Variants in ADGRL3 observed in about 807,000 individuals in gnomAD.
ADGRL3 encodes the protein calcium-independent alpha-latrotoxin receptor 3.
ADGRL3 carries 62 observed loss-of-function variants against 153.5 expected under a neutral mutation model. The ratio of observed to expected loss-of-function variants is 0.40; its 90% CI spans 0.33 to 0.50. The LOEUF is 0.50. ADGRL3 is among the 20% of genes least tolerant of loss of function. ADGRL3 has a pLI of 0.47. For synonymous variants in ADGRL3, 710 were observed against 672.5 expected, an observed-to-expected ratio of 1.06 and a Z score of -0.86; for missense variants, 1,641 against 1,859.4, an observed-to-expected ratio of 0.88 and a Z score of 2.16.
At chr4:61,291,325 A>C (rs2150156333) in intron 1 of ADGRL3, among the ~76,000 whole-genome samples, 1 of 152,038 alleles carries the variant, frequency 6.6e-6, no homozygotes, top group South Asian at 2.1e-4. Context: ...GTACAATGAT[A>C]AAAATAATAC....
At chr4:61,370,067 G>T (rs981726712) in intron 1 of ADGRL3, among the ~76,000 whole-genome samples, 1 of 152,070 alleles carries the variant, frequency 6.6e-6, no homozygotes, top group Non-Finnish European at 1.5e-5. Flanking sequence ...TGTGGGATCG[G>T]TGGTGATATC....
intron 1 of ADGRL3, among the ~76,000 whole-genome samples, chr4:61,255,149 ACAGT>A (rs2091837757): frequency 6.6e-6 from 1 of 152,190 alleles, no homozygotes; most frequent in South Asian, 2.1e-4. Flanking sequence ...TTTGTTGCTG[ACAGT>A]CAGGGTTGGT....
At chr4:61,352,692 A>C (rs2096074268) in intron 1 of ADGRL3, among the ~76,000 whole-genome samples, 1 of 152,032 alleles carries the variant, frequency 6.6e-6, no homozygotes, top group African/African-American at 2.4e-5. Context: ...GCCAAAACAT[A>C]ACTTTTATAT....
At chr4:61,564,842 G>T (rs2098810077) in intron 4 of ADGRL3, among the ~76,000 whole-genome samples, 1 of 152,150 alleles carries the variant, frequency 6.6e-6, no homozygotes, top group Non-Finnish European at 1.5e-5. Context: ...GGAATAGGGA[G>T]GCCCAAAGAG....
intron 1 of ADGRL3, 104 bp from the exon 2 acceptor site, chr4:61,383,020 G>C (rs2096689425): frequency 6.6e-6 from 1 of 151,588 alleles, no homozygotes; most frequent in Admixed American, 6.6e-5. Context: ...TAATAGACTT[G>C]ACAACCAACA....
At chr4:61,494,350 C>T (rs1002442591) in intron 2 of ADGRL3, among the ~76,000 whole-genome samples, 2 of 152,018 alleles carry the variant, frequency 1.3e-5, no homozygotes, top group East Asian at 1.9e-4. Context: ...CTCTCGTATA[C>T]TCCATGGTCA....
chr4:61,933,289 T>C (rs1171108272), intron 13 of ADGRL3, among the ~76,000 whole-genome samples: 1 of 152,134 alleles, frequency 6.6e-6, no homozygotes, highest in Non-Finnish European at 1.5e-5. Context: ...TTATTTTTAT[T>C]TTTTTGGTTT....
intron 5 of ADGRL3, among the ~76,000 whole-genome samples, chr4:61,623,401 A>ATTGTG (rs2149875715): frequency 6.6e-6 from 1 of 152,116 alleles, no homozygotes; most frequent in Non-Finnish European, 1.5e-5. Context: ...AAGAGAAAAG[A>ATTGTG]TTGTGTTCAA....
At chr4:61,474,354 G>A (rs1463091993) in intron 2 of ADGRL3, among the ~76,000 whole-genome samples, 1 of 152,090 alleles carries the variant, frequency 6.6e-6, no homozygotes, top group African/African-American at 2.4e-5. Context: ...TTCTGCCGGA[G>A]GGTTTGTTTT....
At chr4:61,931,129 A>G (rs981552954) in intron 13 of ADGRL3, among the ~76,000 whole-genome samples, 9 of 152,202 alleles carry the variant, frequency 5.9e-5, no homozygotes, top group African/African-American at 2.2e-4. Flanking sequence ...TCACTAGCAG[A>G]AAAGGGGTCA....
chr4:61,386,689 A>G (rs891576854), intron 2 of ADGRL3, among the ~76,000 whole-genome samples: 3 of 152,170 alleles, frequency 2.0e-5, no homozygotes, highest in African/African-American at 7.2e-5. Context: ...AAATATGGCA[A>G]CAAATAAAAA....
chr4:61,484,782 T>C (rs1362079221), intron 2 of ADGRL3, among the ~76,000 whole-genome samples: 1 of 152,206 alleles, frequency 6.6e-6, no homozygotes, highest in Non-Finnish European at 1.5e-5. Flanking sequence ...TTCAGTATTA[T>C]ATTCTTCCCC....
intron 2 of ADGRL3, among the ~76,000 whole-genome samples, chr4:61,448,393 G>T (rs2097614691): frequency 6.6e-6 from 1 of 152,156 alleles, no homozygotes; most frequent in African/African-American, 2.4e-5. Flanking sequence ...TTAAGAATGA[G>T]TGTGTTTTGG....
At chr4:61,465,340 A>G (rs945091189) in intron 2 of ADGRL3, among the ~76,000 whole-genome samples, 1 of 152,150 alleles carries the variant, frequency 6.6e-6, no homozygotes, top group Non-Finnish European at 1.5e-5. Flanking sequence ...GTAGGCTTTC[A>G]TGAAATATTT....
intron 1 of ADGRL3, among the ~76,000 whole-genome samples, chr4:61,325,929 T>G (rs939698744): frequency 6.6e-6 from 1 of 152,136 alleles, no homozygotes; most frequent in Non-Finnish European, 1.5e-5. Flanking sequence ...CATTCAAAAG[T>G]CTAACTTCCA....
chr4:61,804,351 C>T (rs988699865), intron 8 of ADGRL3, among the ~76,000 whole-genome samples: 2 of 152,112 alleles, frequency 1.3e-5, no homozygotes, highest in Admixed American at 6.6e-5. Flanking sequence ...CAGATCCTCT[C>T]ACAGATCACT....
At chr4:61,797,609 C>G (rs1386898601) in intron 8 of ADGRL3, among the ~76,000 whole-genome samples, 2 of 152,090 alleles carry the variant, frequency 1.3e-5, no homozygotes, top group Non-Finnish European at 2.9e-5. Context: ...TATCCTCATC[C>G]TCATTTTCAT....
intron 6 of ADGRL3, among the ~76,000 whole-genome samples, chr4:61,678,548 A>G (rs1325398743): frequency 6.6e-6 from 1 of 152,028 alleles, no homozygotes; most frequent in African/African-American, 2.4e-5. Context: ...GAACTTGCTC[A>G]TACACTTTTA....
chr4:61,968,482 A>G (rs2099014883), intron 17 of ADGRL3, among the ~76,000 whole-genome samples: 1 of 152,186 alleles, frequency 6.6e-6, no homozygotes, highest in Non-Finnish European at 1.5e-5. Flanking sequence ...AAAGAGAAAC[A>G]TTCCTTTTGC....
Sources: allele counts gnomAD v4.1 joint callset (sites outside exome capture counted in the v4.1 genomes callset), GRCh38; gene constraint gnomAD v4.1.1; transcripts MANE v1.5; gene names NCBI Gene and HGNC (gene_info 2026-07-23, HGNC 2026-07-21).